Variants in DLC1 observed in about 807,000 individuals in gnomAD.
DLC1 encodes DLC1 Rho GTPase activating protein.
Under a neutral mutation model 140.3 loss-of-function variants are expected in DLC1, and 54 were observed. The ratio of observed to expected loss-of-function variants is 0.38; its 90% CI spans 0.31 to 0.48. DLC1 has a LOEUF of 0.48. DLC1 is among the 20% of genes least tolerant of loss of function. The probability of loss-of-function intolerance (pLI) is 0.96; values close to 1 mark genes in which losing one functional copy is unlikely to be tolerated. For synonymous variants in DLC1, 986 were observed against 728.1 expected, an observed-to-expected ratio of 1.35 and a Z score of -5.70; for missense variants, 2,536 against 1,907.0, an observed-to-expected ratio of 1.33 and a Z score of -6.14.
chr8:13,580,997 G>C (rs1805074543), intron 1 of DLC1, among the ~76,000 whole-genome samples: 2 of 152,186 alleles, frequency 1.3e-5, no homozygotes, highest in South Asian at 4.1e-4. Flanking sequence ...TTTCTTATCA[G>C]CTTTCCCCCA....
In DLC1 at chr8:13,401,572, C is replaced by A; in HGVS notation, c.1071G>T (p.Leu357=). The A allele has an allele frequency of 6.2e-7, 1 of 1,613,810 alleles. No homozygotes were observed. Among genetic ancestry groups the A allele is most frequent in the Non-Finnish European group, 8.5e-7 (1 of 1,179,984 alleles). ...CAAGCTGGTCCAGTTTCATAATCAG[C>A]AGCACCATGGAGTCCAGCCGCGCCC... ...RDRARLDSMV[L]LIMKLDQLDQ... The change falls in exon 3 of 18, where the codon CTG becomes CTT. Residue 357 remains leucine, a synonymous_variant. Coordinates refer to ENST00000276297, the MANE Select transcript of DLC1 (RefSeq NM_182643.3).
At chr8:13,182,668 C>G (rs1826109741) in intron 5 of DLC1, among the ~76,000 whole-genome samples, 1 of 152,078 alleles carries the variant, frequency 6.6e-6, no homozygotes, top group South Asian at 2.1e-4. Flanking sequence ...CTGTTCTGTT[C>G]CATTGGTCTA....
At chr8:13,259,843 A>C (rs931035670) in intron 5 of DLC1, among the ~76,000 whole-genome samples, 8 of 152,148 alleles carry the variant, frequency 5.3e-5, no homozygotes, top group Non-Finnish European at 7.3e-5. Context: ...TAGGTGAAGA[A>C]GGCTAAAATA....
At chr8:13,133,575 G>A (rs868250613) in intron 5 of DLC1, 13 of 107,664 alleles carry the variant, frequency 1.2e-4, no homozygotes, top group Admixed American at 2.2e-4. Context: ...CTCCTCCGCC[G>A]AAGGCTGGAA....
intron 5 of DLC1, among the ~76,000 whole-genome samples, chr8:13,141,313 T>C (rs1302318542): frequency 7.1e-6 from 1 of 140,322 alleles, no homozygotes; most frequent in Non-Finnish European, 1.5e-5. Context: ...AGCAGAGATC[T>C]AAGGGCACCG....
intron 4 of DLC1, among the ~76,000 whole-genome samples, chr8:13,392,928 A>T (rs1286175482): frequency 2.6e-5 from 4 of 152,308 alleles, no homozygotes; most frequent in South Asian, 4.1e-4. Flanking sequence ...TCATTTCACT[A>T]AGCACTTTTT....
At chr8:13,430,808 T>C (rs951662332) in intron 2 of DLC1, among the ~76,000 whole-genome samples, 3 of 152,318 alleles carry the variant, frequency 2.0e-5, no homozygotes, top group African/African-American at 7.2e-5. Context: ...AACTACTAGA[T>C]TTGTAAATTG....
At chr8:13,111,223 C>T (rs1374593754) in intron 6 of DLC1, among the ~76,000 whole-genome samples, 1 of 152,006 alleles carries the variant, frequency 6.6e-6, no homozygotes, top group Non-Finnish European at 1.5e-5. Flanking sequence ...CACGTGTGAT[C>T]AGGGAAAGGT....
chr8:13,353,853 G>A (rs888072992), intron 4 of DLC1, among the ~76,000 whole-genome samples: 14 of 148,544 alleles, frequency 9.4e-5, no homozygotes, highest in East Asian at 2.0e-4. Context: ...GTGAGACTTC[G>A]TCTGGAAAAA....
chr8:13,432,725 AG>A (rs1192686058), intron 2 of DLC1, among the ~76,000 whole-genome samples: 2 of 152,194 alleles, frequency 1.3e-5, no homozygotes, highest in Non-Finnish European at 2.9e-5. Flanking sequence ...GGAGATGACT[AG>A]TGACATTTTT....
intron 4 of DLC1, among the ~76,000 whole-genome samples, chr8:13,312,468 G>T (rs932750477): frequency 6.8e-6 from 1 of 146,806 alleles, no homozygotes; most frequent in Non-Finnish European, 1.5e-5. Context: ...TGTCTTTATT[G>T]AATTTTTAAT....
At chr8:13,528,091 C>T (rs998060041) in intron 1 of DLC1, among the ~76,000 whole-genome samples, 9 of 151,990 alleles carry the variant, frequency 5.9e-5, no homozygotes, top group Admixed American at 3.3e-4. Flanking sequence ...TTATTTTCTC[C>T]TCTGTGGAAG....
In DLC1 at chr8:13,243,059, G is replaced by A. The variant is rs111515719; in HGVS notation, c.1348+62210C>T. On this transcript the variant is annotated intron_variant, in intron 5 of 17. Coordinates refer to ENST00000276297, the MANE Select transcript of DLC1 (RefSeq NM_182643.3). ...GTGTGTAGCACTTTGGGAGGCCAAG[G>A]TGGGCAGATCGCTTGAGGTCAGGAG... is the stretch of plus-strand genomic sequence containing the variant. 6.6e-3 allele frequency among the ~76,000 whole-genome samples: 1,001 copies of A among 151,980 alleles called. 12 individuals are homozygous for A. Among genetic ancestry groups the A allele is most frequent in the East Asian group, 0.028 (142 of 5,118 alleles).
chr8:13,557,376 G>C (rs1442486200), intron 1 of DLC1, among the ~76,000 whole-genome samples: 1 of 152,166 alleles, frequency 6.6e-6, no homozygotes, highest in Non-Finnish European at 1.5e-5. Flanking sequence ...TGGAAAACAG[G>C]TTGAGTGGAA....
chr8:13,391,885 C>A (rs1019850826), intron 4 of DLC1, among the ~76,000 whole-genome samples: 1 of 127,016 alleles, frequency 7.9e-6, no homozygotes, highest in Non-Finnish European at 1.6e-5. Context: ...GAGCCCCACA[C>A]CTGTCCCCAA....
intron 5 of DLC1, among the ~76,000 whole-genome samples, chr8:13,261,598 C>T (rs1329098568): frequency 6.6e-6 from 1 of 152,058 alleles, no homozygotes; most frequent in African/African-American, 2.4e-5. Context: ...TGTAAGAACA[C>T]AGGTGCGAGG....
intron 5 of DLC1, among the ~76,000 whole-genome samples, chr8:13,211,298 T>C (rs1827928908): frequency 6.6e-6 from 1 of 152,234 alleles, no homozygotes; most frequent in Non-Finnish European, 1.5e-5. Flanking sequence ...GGCTACTCTG[T>C]GCTACTTTGC....
rs576216779 is a variant in DLC1 at position 13,183,747 on chromosome 8, T to C, written c.1349-68090A>G. ...ATTTTACTGAGGATTTTTGCATCGA[T>C]GTTCATCAGGGATATTGGTCTAAAA... is the stretch of plus-strand genomic sequence containing the variant. On this transcript the variant is annotated intron_variant, in intron 5 of 17. Coordinates refer to ENST00000276297, the MANE Select transcript of DLC1 (RefSeq NM_182643.3). Among the ~76,000 whole-genome samples the C allele has an allele frequency of 6.6e-5, 10 of 152,326 alleles. 1 individual carries two copies. In the South Asian group the frequency reaches 1.7e-3, roughly 25 times the overall value.
At position 13,377,627 on chromosome 8, in the gene DLC1, C is replaced by T. The variant is rs74897597; in HGVS notation, c.1314+15926G>A. 9.5e-3 allele frequency among the ~76,000 whole-genome samples: 1,449 copies of T among 152,220 alleles called. 21 individuals are homozygous for T. Among genetic ancestry groups the T allele is most frequent in the African/African-American group, 0.033 (1,367 of 41,526 alleles). ...TTATCTATACTTTCCTGTGCATTTA[C>T]TGTGCGATACACATTTTCATAACGT... On this transcript the variant is annotated intron_variant, in intron 4 of 17. Transcript: ENST00000276297.
Sources: gnomAD v4.1 joint callset for allele counts (sites outside exome capture counted in the v4.1 genomes callset) on GRCh38, gnomAD v4.1.1 for gene constraint, MANE v1.5 for transcripts, NCBI Gene and HGNC (gene_info 2026-07-23, HGNC 2026-07-21) for gene names.